The following TBC1D8B variants were observed in gnomAD, a reference collection of about 807,000 sequenced individuals.
TBC1D8B encodes the protein RP11-321G1.1.
TBC1D8B carries 75 observed loss-of-function variants against 82.9 expected under a neutral mutation model. The observed-to-expected ratio is 0.90, with a 90% CI of 0.75 to 1.10. The LOEUF (loss-of-function observed/expected upper bound fraction) is 1.10. Among genes scored for constraint, TBC1D8B ranks in the 50% least tolerant of loss-of-function variants. The pLI is 0.00. For missense variants in TBC1D8B, 794 were observed against 796.9 expected, an observed-to-expected ratio of 1.00 and a Z score of 0.04; for synonymous variants, 276 against 276.8, an observed-to-expected ratio of 1.00 and a Z score of 0.03.
At position 106,802,979 on chromosome X, in the gene TBC1D8B, C is replaced by T. The variant is rs370186090; in HGVS notation, c.126C>T (p.Leu42=). The stretch of plus-strand genomic sequence containing the variant: ...ACGGGGAGGAAGGCGGAGGGGGGCT[C>T]ACAGGTAAGCTGTGGCCACCCTACC... The part of the protein sequence containing the change: ...RGYGEEGGGG[L]TGLLVGTLDS... Residue 42 remains leucine, a synonymous_variant, in exon 1 of 21, where the codon CTC becomes CTT. Coordinates refer to ENST00000357242, the MANE Select transcript of TBC1D8B (RefSeq NM_017752.3). 1.4e-5 allele frequency: 17 copies of T among 1,200,914 alleles called. No individual in the cohort carries two copies. The highest frequency in any genetic ancestry group is 1.8e-5 in the Non-Finnish European group (16 of 891,543).
chrX:106,821,068 G>T, intron 3 of TBC1D8B, 73 bp downstream of exon 3: 1 of 547,980 alleles, frequency 1.8e-6, no homozygotes, highest in Non-Finnish European at 2.9e-6. Context: ...ATCAAAGTTT[G>T]CATGGAAGGT....
chrX:106,845,010 A>G (rs1224905037), intron 10 of TBC1D8B, among the ~76,000 whole-genome samples: 3 of 110,968 alleles, frequency 2.7e-5, no homozygotes, highest in Non-Finnish European at 5.7e-5. Context: ...TTGTTGGCAT[A>G]TAATTTTTCA....
At chrX:106,855,485 A>C (rs1171225325) in intron 14 of TBC1D8B, among the ~76,000 whole-genome samples, 3 of 112,042 alleles carry the variant, frequency 2.7e-5, no homozygotes, top group African/African-American at 9.7e-5. Context: ...AAATGAGATC[A>C]TACCAGTCAC....
intron 6 of TBC1D8B, 151 bp downstream of exon 6, chrX:106,826,388 AG>A (rs1931845622): frequency 2.0e-6 from 1 of 490,704 alleles, no homozygotes; most frequent in Admixed American, 4.4e-5. Context: ...ATAAGAGTAC[AG>A]CCTTCTGAGA....
At chrX:106,842,955 T>C (rs1280078303) in intron 10 of TBC1D8B, among the ~76,000 whole-genome samples, 3 of 111,770 alleles carry the variant, frequency 2.7e-5, no homozygotes, top group Non-Finnish European at 5.7e-5. Context: ...CAATATGTGA[T>C]CTTTTGTGCC....
At chrX:106,851,782 C>T (rs1452246759) in intron 12 of TBC1D8B, among the ~76,000 whole-genome samples, 1 of 111,967 alleles carries the variant, frequency 8.9e-6, no homozygotes, top group African/African-American at 3.2e-5. Context: ...CCATGGTGTA[C>T]ATGTGCCACA....
chrX:106,850,420 G>A (rs1390947433), intron 12 of TBC1D8B, 110 bp downstream of exon 12: 8 of 824,809 alleles, frequency 9.7e-6, no homozygotes, highest in Non-Finnish European at 1.3e-5. Context: ...GTTTGTCCGA[G>A]ATTACAAAAC....
intron 14 of TBC1D8B, among the ~76,000 whole-genome samples, chrX:106,855,373 C>G (rs563720274): frequency 1.8e-5 from 2 of 112,336 alleles, no homozygotes; most frequent in Admixed American, 1.9e-4. Context: ...AGATTCCCCA[C>G]CCCAGAAGTA....
intron 1 of TBC1D8B, among the ~76,000 whole-genome samples, chrX:106,816,943 AATCTAT>A (rs766282233): frequency 9.0e-6 from 1 of 111,668 alleles, no homozygotes; most frequent in African/African-American, 3.2e-5. Context: ...AGCATCTGCC[AATCTAT>A]CTATATTCTC....
intron 14 of TBC1D8B, 107 bp from the exon 15 acceptor site, chrX:106,865,450 AAC>A (rs1451268153): frequency 1.6e-5 from 7 of 446,236 alleles, no homozygotes; most frequent in African/African-American, 1.2e-4. Context: ...AAGAAGTTAA[AAC>A]ACAAATATTT....
In TBC1D8B at chrX:106,862,776, G is replaced by GTTTTTTTTTTTT. The variant is rs1181091591; in HGVS notation, c.2353-2768_2353-2757dup. Among the ~76,000 whole-genome samples, 231 of 37,111 alleles carry GTTTTTTTTTTTT rather than the reference G, an allele frequency of 6.2e-3. 2 individuals are homozygous for GTTTTTTTTTTTT. Among genetic ancestry groups the GTTTTTTTTTTTT allele is most frequent in the Non-Finnish European group, 7.4e-3 (167 of 22,569 alleles). The allele number at this position is 37,111 out of a possible 115,157, so 32.2% of individuals were successfully genotyped here. A position where few individuals can be genotyped will look rare whatever the true frequency, so the allele number is the denominator to read the frequency against. On this transcript the variant is annotated intron_variant, in intron 14 of 20. Transcript: ENST00000357242. Reference sequence around the variant, plus strand: ...TTTTCCTTTGGATGGGTTTTTTTTTGTTTTTTTTTTTTTTTTTTTTTTTTT... The same window carrying GTTTTTTTTTTTT: ...TTTTCCTTTGGATGGGTTTTTTTTTGTTTTTTTTTTTTTTTTTTTTTTTTTTTTTTTTTTTTT...
chrX:106,822,202 A>G lies in TBC1D8B; in HGVS notation c.586A>G (p.Ile196Val). The G allele has an allele frequency of 8.4e-7, 1 of 1,194,409 alleles. No homozygotes were observed. The highest frequency in any genetic ancestry group is 1.1e-6 in the Non-Finnish European group (1 of 886,865). ...SFYSFLLGSE[I>V]KLIISWDEVS... ...CTATTCTTTTTTGTTGGGATCAGAA[A>G]GTAAGTGGTTTCTATTGCTTACTAT... Residue 196 changes from isoleucine to valine, a missense_variant and splice_region_variant, in exon 4 of 21, where the codon ATA becomes GTA. Transcript: ENST00000357242.
At chrX:106,827,922 G>A (rs998581497) in intron 7 of TBC1D8B, 2 of 110,733 alleles carry the variant, frequency 1.8e-5, no homozygotes, top group African/African-American at 6.6e-5. Context: ...CTAGCAGAAG[G>A]CAAGAAATAA....
At position 106,846,081 on chromosome X, in the gene TBC1D8B, T is replaced by C. The variant is rs556610240; in HGVS notation, c.1720-2105T>C. Among the ~76,000 whole-genome samples the C allele has an allele frequency of 5.5e-3, 572 of 104,102 alleles. 2 individuals are homozygous for C. Among genetic ancestry groups the C allele is most frequent in the Non-Finnish European group, 9.1e-3 (465 of 50,915 alleles). The allele number at this position is 104,102 out of a possible 115,157, so 90.4% of individuals were successfully genotyped here. A position where few individuals can be genotyped will look rare whatever the true frequency, so the allele number is the denominator to read the frequency against. On this transcript the variant is annotated intron_variant, in intron 10 of 20. Transcript: ENST00000357242. ...TGCTAGATGTTGGTTTCTTTCTTTTTTCTCTCTCTCTCTCTTTTTTTTTTT... is the reference window on the plus strand; with the variant it reads ...TGCTAGATGTTGGTTTCTTTCTTTTCTCTCTCTCTCTCTCTTTTTTTTTTT...
At chrX:106,856,485 T>C (rs1474771513) in intron 14 of TBC1D8B, among the ~76,000 whole-genome samples, 1 of 111,015 alleles carries the variant, frequency 9.0e-6, no homozygotes, top group East Asian at 2.8e-4. Context: ...TTTTAACATT[T>C]AGAACTTTAA....
At chrX:106,854,099 T>C (rs1932647868) in intron 13 of TBC1D8B, 99 bp from the exon 14 acceptor site, 8 of 602,578 alleles carry the variant, frequency 1.3e-5, no homozygotes, top group Non-Finnish European at 1.9e-5. Context: ...AGAAATAGAA[T>C]CAAGGCCTCC....
intron 10 of TBC1D8B, among the ~76,000 whole-genome samples, chrX:106,847,083 A>G (rs1476976432): frequency 8.9e-6 from 1 of 112,031 alleles, no homozygotes. Context: ...CATGTGACCA[A>G]ACAATTTCAT....
chrX:106,834,879 T>G (rs767803359), intron 7 of TBC1D8B, among the ~76,000 whole-genome samples: 1 of 112,097 alleles, frequency 8.9e-6, no homozygotes, highest in South Asian at 3.7e-4. Context: ...CCTGTAGCTT[T>G]GCAGGGTACA....
Position 106,803,088 on chromosome X carries a change from G to C in TBC1D8B, c.130+105G>C. On this transcript the variant is annotated intron_variant, in intron 1 of 20. Transcript: ENST00000357242. ...GCTACCAGTTTCCCGATCCTAAATC[G>C]TGGGCGGAGGGACTGGGGTTCTTCT... The C allele has an allele frequency of 4.2e-6, 4 of 954,171 alleles. No homozygotes were observed. The South Asian group carries it at 1.1e-4, about 27-fold the overall frequency. 78.6% of individuals were successfully genotyped at this position (954,171 alleles called of 1,213,427 possible). A position where few individuals can be genotyped will look rare whatever the true frequency, so the allele number is the denominator to read the frequency against.
Sources: allele counts gnomAD v4.1 joint callset (sites outside exome capture counted in the v4.1 genomes callset), GRCh38; gene constraint gnomAD v4.1.1; transcripts MANE v1.5; gene names NCBI Gene and HGNC (gene_info 2026-07-23, HGNC 2026-07-21).